NCSTN: variants seen among roughly 807,000 people sequenced by gnomAD.
NCSTN encodes the protein nicastrin.
Under a neutral mutation model 87.0 loss-of-function variants are expected in NCSTN, and 22 were observed. That is an observed-to-expected ratio of 0.25 (90% CI 0.18 to 0.36). The LOEUF (loss-of-function observed/expected upper bound fraction) is 0.36. Among genes scored for constraint, NCSTN ranks in the 10% least tolerant of loss-of-function variants. The pLI, the probability that NCSTN is intolerant of heterozygous loss-of-function variation, is 1.00. For synonymous variants in NCSTN, 306 were observed against 327.1 expected (o/e 0.94, Z 0.69); for missense variants, 693 against 883.3 (o/e 0.78, Z 2.73).
intron 2 of NCSTN, among the ~76,000 whole-genome samples, chr1:160,348,048 T>C (rs1571200856): frequency 6.6e-6 from 1 of 152,270 alleles, no homozygotes; most frequent in East Asian, 1.9e-4. Context: ...TTTAAAGTGA[T>C]GCTGATATAC....
chr1:160,353,351 T>C (rs1648970074), intron 10 of NCSTN, 114 bp downstream of exon 10: 2 of 1,572,776 alleles, frequency 1.3e-6, no homozygotes, highest in African/African-American at 1.3e-5. Context: ...AGAGACAGGA[T>C]TGGATTGGGT....
At chr1:160,353,281 A>G (rs762494106) in intron 10 of NCSTN, 44 bp downstream of exon 10, 5 of 1,613,764 alleles carry the variant, frequency 3.1e-6, no homozygotes, top group Non-Finnish European at 4.2e-6. Context: ...TACAGCTCAG[A>G]ATCCAGACCC....
chr1:160,356,212 G>A (rs1177771069), intron 13 of NCSTN, 48 bp from the exon 14 acceptor site: 2 of 1,471,816 alleles, frequency 1.4e-6, no homozygotes, highest in African/African-American at 2.8e-5. Flanking sequence ...CTTTCCCTGG[G>A]CTCCCTTCAA....
rs1363830236 is a variant in NCSTN, at chr1:160,348,982, T to A, written c.191-17T>A. 31 of 1,614,056 alleles carry A rather than the reference T, an allele frequency of 1.9e-5. No homozygotes were observed. Among genetic ancestry groups the A allele is most frequent in the Admixed American group, 3.3e-5 (2 of 60,012 alleles). ...TTAACTATGGGAGCTTTAATTTGAC[T>A]CATTCTGTCCTGGCAGCTTCAATTA... On this transcript the variant is annotated splice_polypyrimidine_tract_variant and intron_variant, in intron 2 of 16. Coordinates refer to ENST00000294785, the MANE Select transcript of NCSTN (RefSeq NM_015331.3).
chr1:160,344,884 T>A, intron 2 of NCSTN, 58 bp downstream of exon 2: 1 of 1,397,560 alleles, frequency 7.2e-7, no homozygotes, highest in South Asian at 1.2e-5. Flanking sequence ...CCCTAGATAC[T>A]AAGTAACATC....
chr1:160,353,642 C>T (rs1216403212), intron 10 of NCSTN: 1 of 1,176,988 alleles, frequency 8.5e-7, no homozygotes, highest in Non-Finnish European at 1.1e-6. Flanking sequence ...CCTTCCCTTC[C>T]CTCTAGGTCC....
chr1:160,347,700 C>T (rs919370756), intron 2 of NCSTN, among the ~76,000 whole-genome samples: 7 of 152,160 alleles, frequency 4.6e-5, no homozygotes, highest in Admixed American at 4.6e-4. Context: ...GCCTCCGCCT[C>T]CCAGGTTCAA....
chr1:160,355,191 G>A (rs1333409460), intron 11 of NCSTN, among the ~76,000 whole-genome samples: 2 of 152,148 alleles, frequency 1.3e-5, no homozygotes, highest in African/African-American at 4.8e-5. Context: ...GATCATCATG[G>A]TGATTTTATC....
At chr1:160,357,381 C>A in intron 16 of NCSTN, 128 bp downstream of exon 16, 3 of 978,014 alleles carry the variant, frequency 3.1e-6, no homozygotes, top group South Asian at 1.4e-5. Context: ...GCAAATCTGT[C>A]CCTGGTCAGC....
intron 3 of NCSTN, 105 bp from the exon 4 acceptor site, chr1:160,349,444 C>T: frequency 6.9e-7 from 1 of 1,440,974 alleles, no homozygotes; most frequent in Non-Finnish European, 9.8e-7. Context: ...AATAAGTCAA[C>T]AGTTTGATTC....
At position 160,352,226 on chromosome 1, in the gene NCSTN, G is replaced by C; in HGVS notation, c.996+20G>C. 6.2e-7 allele frequency: 1 copy of C among 1,613,896 alleles called. No individual in the cohort carries two copies. Among genetic ancestry groups the C allele is most frequent in the Non-Finnish European group, 8.5e-7 (1 of 1,179,834 alleles). ...CAAGGGGTAAGGGCTCTTTGGCTGG[G>C]GTGCAATGGCAGGGAAGAAAGAGGA... On this transcript the variant is annotated intron_variant, in intron 8 of 16. Transcript: ENST00000294785.
intron 1 of NCSTN, 75 bp from the exon 2 acceptor site, chr1:160,344,647 T>C: frequency 6.3e-7 from 1 of 1,591,484 alleles, no homozygotes; most frequent in Non-Finnish European, 8.6e-7. Context: ...CAAGCCATAC[T>C]TCAGGTTAAT....
intron 5 of NCSTN, among the ~76,000 whole-genome samples, chr1:160,350,900 T>C (rs893282950): frequency 1.3e-5 from 2 of 152,184 alleles, no homozygotes; most frequent in Non-Finnish European, 2.9e-5. Context: ...TTCCTATCTC[T>C]AGTTTGGTGC....
intron 2 of NCSTN, among the ~76,000 whole-genome samples, chr1:160,346,361 C>T (rs558695744): frequency 1.8e-4 from 27 of 152,306 alleles, no homozygotes; most frequent in African/African-American, 5.5e-4. Flanking sequence ...TTATTGATGA[C>T]GCTAGGTAAA....
chr1:160,350,131 G>T lies in NCSTN; in HGVS notation c.463G>T (p.Glu155Ter). 1 of 1,614,136 alleles carries T rather than the reference G, an allele frequency of 6.2e-7. No homozygotes were observed. Among genetic ancestry groups the T allele is most frequent in the Non-Finnish European group, 8.5e-7 (1 of 1,180,012 alleles). The change falls in exon 5 of 17, where the codon GAG becomes TAG. Residue 155 changes from glutamate (E) to a stop codon, truncating the protein, a stop_gained. Transcript: ENST00000294785. LOFTEE classifies it high-confidence loss of function. ...TGTTTACTCCAATTCCTATGGGCCA[G>T]AGTTTGCTCACTGCAGAGAAATACA... ...FGVYSNSYGP[E>*]FAHCREIQWN...
At chr1:160,353,730 T>C (rs376735124) in intron 10 of NCSTN, 2 of 984,050 alleles carry the variant, frequency 2.0e-6, no homozygotes, top group East Asian at 1.1e-4. Flanking sequence ...TCTGGACTCC[T>C]GTAGCATTTA....
chr1:160,353,392 G>C, intron 10 of NCSTN, 155 bp downstream of exon 10: 2 of 1,523,832 alleles, frequency 1.3e-6, no homozygotes, highest in Non-Finnish European at 1.8e-6. Context: ...CACAGCTGTT[G>C]TTGCTGCTGG....
chr1:160,352,913 G>A lies in NCSTN; in HGVS notation c.1023G>A (p.Ser341=), dbSNP rs774867064. ...QGETFDYIGS[S]RMVYDMEKGK... ...AAACTTTTGACTACATTGGCAGCTC[G>A]AGGATGGTCTACGATATGGAGAAGG... is the stretch of plus-strand genomic sequence containing the variant. The change falls in exon 9 of 17, where the codon TCG becomes TCA. Residue 341 remains serine (S), a synonymous_variant. Transcript: ENST00000294785. 11 of 1,614,168 alleles carry A rather than the reference G, an allele frequency of 6.8e-6. No individual in the cohort carries two copies. Among genetic ancestry groups the A allele is most frequent in the South Asian group, 2.2e-5 (2 of 91,080 alleles).
In NCSTN at chr1:160,351,263, A is replaced by C. The variant is rs115723910; in HGVS notation, c.624A>C (p.Pro208=). The change falls in exon 6 of 17, where the codon CCA becomes CCC. Residue 208 remains proline, a synonymous_variant. Coordinates refer to ENST00000294785, the MANE Select transcript of NCSTN (RefSeq NM_015331.3). ...ACCTGAGTCAGAATGGCTCAGCACC[A>C]ACCTTCCCACTATGTGCCATGCAGC... is the stretch of plus-strand genomic sequence containing the variant. ...DHNLSQNGSA[P]TFPLCAMQLF... 10 of 1,614,098 alleles carry C rather than the reference A, an allele frequency of 6.2e-6. No homozygotes were observed. In the African/African-American group the frequency reaches 1.2e-4, roughly 19 times the overall value.
Sources: allele counts gnomAD v4.1 joint callset (sites outside exome capture counted in the v4.1 genomes callset), GRCh38; gene constraint gnomAD v4.1.1; transcripts MANE v1.5; gene names NCBI Gene and HGNC (gene_info 2026-07-23, HGNC 2026-07-21).